Variants in SGCD observed in about 807,000 individuals in gnomAD.
SGCD encodes the protein delta-sarcoglycan.
Under a neutral mutation model 36.6 loss-of-function variants are expected in SGCD, and 18 were observed. The observed-to-expected ratio is 0.49, with a 90% CI of 0.34 to 0.73. SGCD has a LOEUF of 0.73. Ranked by LOEUF, SGCD falls within the 30% of genes least tolerant of loss-of-function variation. The pLI is 0.01. For synonymous variants in SGCD, 133 were observed against 130.6 expected, an observed-to-expected ratio of 1.02 and a Z score of -0.12; for missense variants, 387 against 346.7, an observed-to-expected ratio of 1.12 and a Z score of -0.92.
In SGCD at chr5:156,474,823, T is replaced by G. The variant is rs567412203; in HGVS notation, c.193-33778T>G. Among the ~76,000 whole-genome samples, 33 of 152,234 alleles carry G rather than the reference T, an allele frequency of 2.2e-4. No homozygotes were observed. The South Asian group carries it at 6.9e-3, about 32-fold the overall frequency. ...CCATGATATTAGGATGGGATTAACT[T>G]GATATACGTGCATTGGATCTCAGTG... On this transcript the variant is annotated intron_variant, in intron 3 of 8. Coordinates refer to ENST00000337851, the MANE Select transcript of SGCD (RefSeq NM_000337.6).
chr5:155,895,700 A>C (rs1467088267), intron 1 of SGCD, among the ~76,000 whole-genome samples: 2 of 151,962 alleles, frequency 1.3e-5, no homozygotes, highest in Non-Finnish European at 2.9e-5. Flanking sequence ...AAAAAAAAAA[A>C]ACATGAAGAA....
intron 1 of SGCD, among the ~76,000 whole-genome samples, chr5:155,949,543 T>A (rs1757512371): frequency 6.6e-6 from 1 of 152,192 alleles, no homozygotes; most frequent in Non-Finnish European, 1.5e-5. Flanking sequence ...AGAAGTTGAA[T>A]CTAGAAATTT....
At position 156,161,698 on chromosome 5, in the gene SGCD, A is replaced by G. The variant is rs115259373; in HGVS notation, c.-44+37679A>G. On this transcript the variant is annotated intron_variant, in intron 3 of 9. Transcript: ENST00000517913. ...TGAGTGATACAGAAGAGATGGGAGA[A>G]CTATTATATGTTTGCAGTGTAGACA... is the stretch of plus-strand genomic sequence containing the variant. Among the ~76,000 whole-genome samples, 1,434 of 151,964 alleles carry G rather than the reference A, an allele frequency of 9.4e-3. 10 individuals are homozygous for G. The highest frequency in any genetic ancestry group is 0.017 in the Middle Eastern group (5 of 294).
intron 1 of SGCD, among the ~76,000 whole-genome samples, chr5:156,085,215 G>T (rs1346560303): frequency 6.6e-6 from 1 of 152,000 alleles, no homozygotes; most frequent in Non-Finnish European, 1.5e-5. Flanking sequence ...TGATATCAGG[G>T]TAATACTGGA....
At chr5:156,393,710 G>T (rs1180068896) in intron 3 of SGCD, 1 of 456,010 alleles carries the variant, frequency 2.2e-6, no homozygotes, top group African/African-American at 2.0e-5. Context: ...TTGGTACATA[G>T]TTACTAACAA....
At chr5:156,070,426 A>G (rs1760509617) in intron 1 of SGCD, among the ~76,000 whole-genome samples, 1 of 151,160 alleles carries the variant, frequency 6.6e-6, no homozygotes, top group Non-Finnish European at 1.5e-5. Context: ...TATATGCTGG[A>G]TTACATTTAT....
At chr5:156,734,108 TTCTC>T (rs1000294496) in intron 7 of SGCD, among the ~76,000 whole-genome samples, 1 of 152,170 alleles carries the variant, frequency 6.6e-6, no homozygotes, top group African/African-American at 2.4e-5. Context: ...TGGTAACAAA[TTCTC>T]TCAGCATTTG....
At chr5:156,363,399 TG>T (rs1769913162) in intron 3 of SGCD, among the ~76,000 whole-genome samples, 1 of 152,168 alleles carries the variant, frequency 6.6e-6, no homozygotes, top group Non-Finnish European at 1.5e-5. Context: ...AGTATAACAT[TG>T]CTTTTGTTTT....
At chr5:156,351,546 A>C (rs1198770981) in intron 3 of SGCD, among the ~76,000 whole-genome samples, 1 of 152,032 alleles carries the variant, frequency 6.6e-6, no homozygotes, top group Non-Finnish European at 1.5e-5. Flanking sequence ...TGATAAATGC[A>C]TTGTTTAGTG....
intron 7 of SGCD, among the ~76,000 whole-genome samples, chr5:156,709,911 C>T (rs932901427): frequency 7.0e-6 from 1 of 142,732 alleles, no homozygotes; most frequent in Admixed American, 7.2e-5. Context: ...CATACTGCAT[C>T]TCTAAACTCC....
intron 3 of SGCD, among the ~76,000 whole-genome samples, chr5:156,387,099 G>A (rs950853427): frequency 6.6e-6 from 1 of 152,166 alleles, no homozygotes; most frequent in Admixed American, 6.5e-5. Context: ...TGGGGAATGA[G>A]TTTGCCTCCC....
intron 1 of SGCD, among the ~76,000 whole-genome samples, chr5:155,880,575 A>C (rs780599638): frequency 6.6e-6 from 1 of 152,188 alleles, no homozygotes; most frequent in African/African-American, 2.4e-5. Flanking sequence ...TTAAATACAC[A>C]TATGTACAAA....
rs193187122 is a variant in SGCD at position 156,428,494 on chromosome 5, T to C, written c.193-80107T>C. Among the ~76,000 whole-genome samples the C allele has an allele frequency of 1.1e-3, 170 of 152,268 alleles. 1 individual carries two copies. Among genetic ancestry groups the C allele is most frequent in the African/African-American group, 4.0e-3 (166 of 41,590 alleles). On this transcript the variant is annotated intron_variant, in intron 3 of 8. Transcript: ENST00000337851. ...TGTATCTTTTCAAAGAACCAGCTTT[T>C]AATTTCATTGATATTTTGTAATTTT...
At chr5:156,236,902 C>T (rs249877) in intron 3 of SGCD, among the ~76,000 whole-genome samples, 42,634 of 150,842 alleles carry the variant, frequency 0.28, 6,336 homozygotes, top group Non-Finnish European at 0.31. Flanking sequence ...GGCAGAAGCT[C>T]GGCTCACTGC....
At chr5:156,316,442 G>A (rs1029982700) in intron 3 of SGCD, among the ~76,000 whole-genome samples, 1 of 151,664 alleles carries the variant, frequency 6.6e-6, no homozygotes, top group Non-Finnish European at 1.5e-5. Context: ...ATTTTTTATA[G>A]GAATAGGAAA....
intron 3 of SGCD, among the ~76,000 whole-genome samples, chr5:156,254,712 T>C (rs1765670792): frequency 6.6e-6 from 1 of 152,090 alleles, no homozygotes; most frequent in Non-Finnish European, 1.5e-5. Flanking sequence ...TTGGGCATGG[T>C]GGCATATGCC....
At chr5:156,523,229 T>G (rs766113036) in intron 4 of SGCD, among the ~76,000 whole-genome samples, 3 of 152,194 alleles carry the variant, frequency 2.0e-5, no homozygotes, top group African/African-American at 4.8e-5. Context: ...CCAAACTGAC[T>G]GTTAAGTGGT....
intron 1 of SGCD, among the ~76,000 whole-genome samples, chr5:156,001,976 A>G (rs1321888389): frequency 6.6e-6 from 1 of 152,218 alleles, no homozygotes. Context: ...AGCCAGGGTC[A>G]AAAGAGATGA....
intron 3 of SGCD, among the ~76,000 whole-genome samples, chr5:156,436,021 C>T (rs779606676): frequency 2.0e-5 from 3 of 152,198 alleles, no homozygotes; most frequent in Non-Finnish European, 4.4e-5. Flanking sequence ...GTGGACCCCA[C>T]CTGTGTGCCC....
Sources: allele counts gnomAD v4.1 joint callset (sites outside exome capture counted in the v4.1 genomes callset), GRCh38; gene constraint gnomAD v4.1.1; transcripts MANE v1.5; gene names NCBI Gene and HGNC (gene_info 2026-07-23, HGNC 2026-07-21).